The following DNAJC1 variants were observed in gnomAD, a reference collection of about 807,000 sequenced individuals.
DNAJC1 encodes the protein dnaJ homolog subfamily C member 1.
DNAJC1 carries 58 observed loss-of-function variants against 76.6 expected under a neutral mutation model. The ratio of observed to expected loss-of-function variants is 0.76; its 90% CI spans 0.61 to 0.94. The LOEUF is 0.94. Among genes scored for constraint, DNAJC1 ranks in the 40% least tolerant of loss-of-function variants. The pLI is 0.00. For synonymous variants in DNAJC1, 258 were observed against 267.9 expected (o/e 0.96, Z 0.36); for missense variants, 689 against 677.3 (o/e 1.02, Z -0.19).
At chr10:21,818,155 T>C (rs1048867401) in intron 8 of DNAJC1, among the ~76,000 whole-genome samples, 1 of 152,194 alleles carries the variant, frequency 6.6e-6, no homozygotes, top group Non-Finnish European at 1.5e-5. Context: ...TGAATTCTTT[T>C]TCTCAGCAAG....
At chr10:21,849,906 C>G (rs1835725814) in intron 8 of DNAJC1, among the ~76,000 whole-genome samples, 1 of 151,830 alleles carries the variant, frequency 6.6e-6, no homozygotes, top group Non-Finnish European at 1.5e-5. Context: ...AAACATTTGA[C>G]AAAATTCAAC....
chr10:21,882,221 G>C, intron 8 of DNAJC1, 61 bp downstream of exon 8: 1 of 1,458,166 alleles, frequency 6.9e-7, no homozygotes, highest in Non-Finnish European at 9.3e-7. Flanking sequence ...AGCTAACCCT[G>C]TATTTTATGT....
chr10:21,958,793 T>C (rs978729058), intron 1 of DNAJC1, among the ~76,000 whole-genome samples: 11 of 152,032 alleles, frequency 7.2e-5, no homozygotes, highest in African/African-American at 2.7e-4. Context: ...TATTTAAACG[T>C]CAGATTTGGC....
intron 7 of DNAJC1, among the ~76,000 whole-genome samples, chr10:21,894,647 G>A (rs989234231): frequency 6.6e-6 from 1 of 152,120 alleles, no homozygotes; most frequent in Non-Finnish European, 1.5e-5. Context: ...CCAATACCAA[G>A]GTAACACAAA....
At chr10:21,888,678 GAA>G (rs1444735013) in intron 7 of DNAJC1, among the ~76,000 whole-genome samples, 3 of 152,126 alleles carry the variant, frequency 2.0e-5, no homozygotes, top group Non-Finnish European at 2.9e-5. Flanking sequence ...ACCAAGAATA[GAA>G]AACCAAATAC....
At chr10:21,879,406 T>C (rs1208356244) in intron 8 of DNAJC1, among the ~76,000 whole-genome samples, 2 of 152,130 alleles carry the variant, frequency 1.3e-5, no homozygotes, top group East Asian at 3.9e-4. Context: ...GGCGGATCAC[T>C]TGAGGCCAAG....
intron 1 of DNAJC1, among the ~76,000 whole-genome samples, chr10:21,977,250 A>C (rs1838081297): frequency 6.6e-6 from 1 of 152,146 alleles, no homozygotes; most frequent in South Asian, 2.1e-4. Context: ...ACACTTAAGA[A>C]ATGAAAAAAA....
intron 8 of DNAJC1, among the ~76,000 whole-genome samples, chr10:21,846,985 T>C (rs1282677963): frequency 1.3e-5 from 2 of 152,018 alleles, no homozygotes; most frequent in Middle Eastern, 3.4e-3. Flanking sequence ...ATAGGAAGCT[T>C]CTATGATAAA....
intron 3 of DNAJC1, among the ~76,000 whole-genome samples, chr10:21,922,048 G>A (rs565728207): frequency 8.5e-5 from 13 of 152,066 alleles, no homozygotes; most frequent in Admixed American, 7.2e-4. Flanking sequence ...TGAGTTAGTC[G>A]CAGGCCTAAT....
chr10:21,820,188 A>G (rs1835135856), intron 8 of DNAJC1, among the ~76,000 whole-genome samples: 1 of 152,236 alleles, frequency 6.6e-6, no homozygotes, highest in African/African-American at 2.4e-5. Context: ...ATGGAATCAT[A>G]TAATATGTAG....
chr10:21,769,834 G>A (rs1327325844), intron 9 of DNAJC1, among the ~76,000 whole-genome samples: 3 of 152,084 alleles, frequency 2.0e-5, no homozygotes, highest in Admixed American at 1.3e-4. Context: ...TTACAGGCAT[G>A]AGCCACCACG....
At chr10:21,811,491 A>C (rs1447620456) in intron 8 of DNAJC1, among the ~76,000 whole-genome samples, 1 of 152,224 alleles carries the variant, frequency 6.6e-6, no homozygotes, top group Non-Finnish European at 1.5e-5. Context: ...AGGATTTAGC[A>C]GTCTCCTATC....
intron 8 of DNAJC1, among the ~76,000 whole-genome samples, chr10:21,863,626 T>C (rs1191665082): frequency 2.0e-5 from 3 of 152,090 alleles, no homozygotes; most frequent in African/African-American, 7.3e-5. Context: ...ATCCACAATA[T>C]ATAAGAAGGC....
At chr10:21,780,451 A>G (rs960648705) in intron 9 of DNAJC1, among the ~76,000 whole-genome samples, 1 of 152,210 alleles carries the variant, frequency 6.6e-6, no homozygotes, top group Non-Finnish European at 1.5e-5. Flanking sequence ...CAACATTCTT[A>G]AAGAAAAGAA....
chr10:21,768,268 C>T (rs1449566251), intron 9 of DNAJC1, among the ~76,000 whole-genome samples: 4 of 152,046 alleles, frequency 2.6e-5, no homozygotes, highest in Non-Finnish European at 5.9e-5. Flanking sequence ...TTCTATATTT[C>T]TCTATCCCAT....
At position 21,766,302 on chromosome 10, in the gene DNAJC1, G is replaced by A. The variant is rs567433415; in HGVS notation, c.1106C>T (p.Thr369Ile). 1 of 1,613,568 alleles carries A rather than the reference G, an allele frequency of 6.2e-7. No individual in the cohort carries two copies. Among genetic ancestry groups the A allele is most frequent in the East Asian group, 2.2e-5 (1 of 44,886 alleles). The change falls in exon 10 of 12, where the codon ACC becomes ATC. Residue 369 changes from threonine (T) to isoleucine (I), a missense_variant. Thr to Ile is a moderately conservative substitution (Grantham distance 89, BLOSUM62 -1). Transcript: ENST00000376980. ...TGAATCCTTCAGTTGCTTGGCTTTG[G>A]TTGTCACCTGTTTCAAAACATAAAA... ...ELGRSVTDVT[T>I]KAKQLKDSVT...
intron 1 of DNAJC1, among the ~76,000 whole-genome samples, chr10:21,947,481 T>C (rs1564835420): frequency 6.6e-6 from 1 of 152,214 alleles, no homozygotes; most frequent in Admixed American, 6.5e-5. Context: ...GATGATCCAC[T>C]TCCACTTAAT....
At chr10:21,894,954 T>C (rs1187744845) in intron 7 of DNAJC1, among the ~76,000 whole-genome samples, 1 of 152,234 alleles carries the variant, frequency 6.6e-6, no homozygotes, top group African/African-American at 2.4e-5. Context: ...CTTGCTGGTA[T>C]CTTGATCTTG....
At chr10:21,993,835 C>T (rs1184980982) in intron 1 of DNAJC1, among the ~76,000 whole-genome samples, 1 of 152,104 alleles carries the variant, frequency 6.6e-6, no homozygotes, top group Admixed American at 6.6e-5. Context: ...ATATTTTCTT[C>T]TAGCTCTATA....
Sources: gnomAD v4.1 joint callset for allele counts (sites outside exome capture counted in the v4.1 genomes callset) on GRCh38, gnomAD v4.1.1 for gene constraint, MANE v1.5 for transcripts, NCBI Gene and HGNC (gene_info 2026-07-23, HGNC 2026-07-21) for gene names.